The following LAMA2 variants were observed in gnomAD, a reference collection of about 807,000 sequenced individuals.
LAMA2 encodes the protein laminin subunit alpha 2, also known as laminin subunit alpha-2.
In LAMA2, 269 loss-of-function variants were observed where a neutral mutation model predicts 364.8. The ratio of observed to expected loss-of-function variants is 0.74; its 90% CI spans 0.67 to 0.82. The LOEUF (loss-of-function observed/expected upper bound fraction) is 0.82, where lower values mean the gene tolerates loss of function less well. Among genes scored for constraint, LAMA2 ranks in the 40% least tolerant of loss-of-function variants. LAMA2 has a pLI of 0.00. For missense variants in LAMA2, 3,807 were observed against 3,873.2 expected (o/e 0.98, Z 0.45); for synonymous variants, 1,379 against 1,370.6 (o/e 1.01, Z -0.14).
intron 40 of LAMA2, among the ~76,000 whole-genome samples, chr6:129,409,635 C>T (rs1419851710): frequency 1.3e-5 from 2 of 152,196 alleles, no homozygotes; most frequent in African/African-American, 4.8e-5. Context: ...GAGTAGTGAT[C>T]TGCAGAAGAT....
At chr6:129,336,585 T>C (rs1197538355) in intron 29 of LAMA2, among the ~76,000 whole-genome samples, 1 of 152,212 alleles carries the variant, frequency 6.6e-6, no homozygotes, top group African/African-American at 2.4e-5. Context: ...TTATTGTTGA[T>C]GAACTGATGC....
At chr6:129,111,524 A>G (rs1349228083) in intron 4 of LAMA2, among the ~76,000 whole-genome samples, 3 of 152,016 alleles carry the variant, frequency 2.0e-5, no homozygotes, top group Non-Finnish European at 2.9e-5. Context: ...ATGTTGAGCC[A>G]TGGGAAATTG....
chr6:129,056,607 T>A (rs1788507160), intron 2 of LAMA2, among the ~76,000 whole-genome samples: 1 of 152,196 alleles, frequency 6.6e-6, no homozygotes, highest in South Asian at 2.1e-4. Context: ...TATAATACCA[T>A]AAATAGCTTA....
chr6:129,312,731 A>G, intron 22 of LAMA2, 130 bp from the exon 23 acceptor site: 1 of 732,128 alleles, frequency 1.4e-6, no homozygotes, highest in Non-Finnish European at 2.4e-6. Flanking sequence ...CTAAACTAGA[A>G]TAGTACAAAG....
intron 1 of LAMA2, among the ~76,000 whole-genome samples, chr6:128,895,837 T>G (rs1776739366): frequency 6.6e-6 from 1 of 152,184 alleles, no homozygotes; most frequent in African/African-American, 2.4e-5. Flanking sequence ...TTTCCTTCAT[T>G]TATTTCTAGC....
In LAMA2 at chr6:129,219,151, T is replaced by C. The variant is rs550090966; in HGVS notation, c.1782+26298T>C. On this transcript the variant is annotated intron_variant, in intron 12 of 64. Transcript: ENST00000421865. ...TATGTGATCCATAGGAGTGTACATA[T>C]TTTATTTTCTTTAAAAAATAAGACA... 7.2e-5 allele frequency among the ~76,000 whole-genome samples: 11 copies of C among 152,318 alleles called. No individual in the cohort carries two copies. The East Asian group carries it at 2.1e-3, about 29-fold the overall frequency.
At chr6:129,486,748 C>A in intron 56 of LAMA2, 126 bp downstream of exon 56, 1 of 890,430 alleles carries the variant, frequency 1.1e-6, no homozygotes, top group South Asian at 1.4e-5. Context: ...AAAAGGATAC[C>A]GTAGCTTAAT....
chr6:129,358,083 A>G (rs1045341337), intron 32 of LAMA2, among the ~76,000 whole-genome samples: 6 of 152,062 alleles, frequency 3.9e-5, no homozygotes, highest in African/African-American at 1.4e-4. Flanking sequence ...AAGCTGTGTC[A>G]TGTTGTTCAC....
At chr6:128,929,750 G>C in intron 1 of LAMA2, 2 of 1,199,234 alleles carry the variant, frequency 1.7e-6, no homozygotes, top group Non-Finnish European at 2.5e-6. Flanking sequence ...AATCGTAGCT[G>C]GATATTGGAA....
In LAMA2 at chr6:129,393,537, A is replaced by G. The variant is rs527292904; in HGVS notation, c.5445+282A>G. Among the ~76,000 whole-genome samples, 9 of 152,362 alleles carry G rather than the reference A, an allele frequency of 5.9e-5. No homozygotes were observed. The South Asian group carries it at 1.9e-3, about 32-fold the overall frequency. ...TGTGATACAGTGGAAGAAGTTCTTT[A>G]CAGGGAGTCAGGCGACCTTGGTCTC... is the stretch of plus-strand genomic sequence containing the variant. On this transcript the variant is annotated intron_variant, in intron 37 of 64. Coordinates refer to ENST00000421865, the MANE Select transcript of LAMA2 (RefSeq NM_000426.4).
intron 12 of LAMA2, among the ~76,000 whole-genome samples, chr6:129,223,993 C>T (rs1339131177): frequency 6.6e-6 from 1 of 152,146 alleles, no homozygotes; most frequent in African/African-American, 2.4e-5. Context: ...AATGTTCTTC[C>T]ATTTGTTTGT....
rs567879845 is a variant in LAMA2 at position 129,397,931 on chromosome 6, C to T, written c.5446-3293C>T. On this transcript the variant is annotated intron_variant, in intron 37 of 64. Coordinates refer to ENST00000421865, the MANE Select transcript of LAMA2 (RefSeq NM_000426.4). ...CAGCCTGGGCGACAGAGTGAGACTC[C>T]GTCTCAGAAAAAAAAAAAAAAAAAA... Among the ~76,000 whole-genome samples, 254 of 109,398 alleles carry T rather than the reference C, an allele frequency of 2.3e-3. 2 individuals carry two copies. The highest frequency in any genetic ancestry group is 3.5e-3 in the Non-Finnish European group (188 of 53,872). The allele number at this position is 109,398 out of a possible 152,430, so 71.8% of individuals were successfully genotyped here.
At chr6:129,361,968 G>C (rs1426664868) in intron 32 of LAMA2, among the ~76,000 whole-genome samples, 9 of 151,758 alleles carry the variant, frequency 5.9e-5, no homozygotes, top group Admixed American at 5.9e-4. Context: ...ATTTTTAGTA[G>C]AGATGGGGTT....
At chr6:128,932,669 A>G (rs1179962550) in intron 1 of LAMA2, among the ~76,000 whole-genome samples, 1 of 152,180 alleles carries the variant, frequency 6.6e-6, no homozygotes, top group Non-Finnish European at 1.5e-5. Context: ...CCTGGAGTTA[A>G]GATTTCTATT....
At chr6:129,352,705 C>T (rs1487253035) in intron 31 of LAMA2, among the ~76,000 whole-genome samples, 2 of 152,036 alleles carry the variant, frequency 1.3e-5, no homozygotes, top group African/African-American at 4.8e-5. Flanking sequence ...CAAACTATGA[C>T]CCACAGGCCA....
chr6:129,379,569 C>G (rs946370001), intron 34 of LAMA2, among the ~76,000 whole-genome samples: 9 of 152,064 alleles, frequency 5.9e-5, no homozygotes, highest in African/African-American at 2.2e-4. Context: ...GGGAAGGTAT[C>G]TCCTTCAGTA....
chr6:129,468,946 T>C (rs1783676131), intron 51 of LAMA2, among the ~76,000 whole-genome samples: 1 of 151,786 alleles, frequency 6.6e-6, no homozygotes, highest in Non-Finnish European at 1.5e-5. Context: ...AAGTCCTTTT[T>C]TAGTTGAGGG....
chr6:129,255,550 G>C (rs2114300947), intron 14 of LAMA2, among the ~76,000 whole-genome samples: 1 of 151,270 alleles, frequency 6.6e-6, no homozygotes, highest in African/African-American at 2.4e-5. Flanking sequence ...AGATTTTGGA[G>C]TTGTTACCAC....
chr6:129,251,030 GTCTCTCTCTTTCTCTC>G (rs1335724423), intron 13 of LAMA2, among the ~76,000 whole-genome samples: 22 of 67,526 alleles, frequency 3.3e-4, no homozygotes, highest in South Asian at 1.0e-3. Context: ...CTCTCTCTCT[GTCTCTCTCTTTCTCTC>G]TCTCTCTCTC....
Sources: gnomAD v4.1 joint callset for allele counts (sites outside exome capture counted in the v4.1 genomes callset) on GRCh38, gnomAD v4.1.1 for gene constraint, MANE v1.5 for transcripts, NCBI Gene and HGNC (gene_info 2026-07-23, HGNC 2026-07-21) for gene names.